The following BNC2 variants were observed in gnomAD, a reference collection of about 807,000 sequenced individuals.
BNC2 encodes zinc finger protein basonuclin-2.
Under a neutral mutation model 76.3 loss-of-function variants are expected in BNC2, and 20 were observed. The ratio of observed to expected loss-of-function variants is 0.26; its 90% CI spans 0.18 to 0.38. The LOEUF (loss-of-function observed/expected upper bound fraction) is 0.38, where lower values mean the gene tolerates loss of function less well. Ranked by LOEUF, BNC2 falls within the 10% of genes least tolerant of loss-of-function variation. The pLI, the probability that BNC2 is intolerant of heterozygous loss-of-function variation, is 1.00. For missense variants in BNC2, 1,382 were observed against 1,399.8 expected, an observed-to-expected ratio of 0.99 and a Z score of 0.20; for synonymous variants, 582 against 514.8, an observed-to-expected ratio of 1.13 and a Z score of -1.77.
At chr9:16,837,681 T>C (rs1409756136) in intron 1 of BNC2, among the ~76,000 whole-genome samples, 1 of 152,202 alleles carries the variant, frequency 6.6e-6, no homozygotes, top group East Asian at 1.9e-4. Context: ...TTCAAACATG[T>C]TATCACACTG....
chr9:16,795,089 A>G (rs921445640), intron 1 of BNC2, among the ~76,000 whole-genome samples: 1 of 152,236 alleles, frequency 6.6e-6, no homozygotes, highest in African/African-American at 2.4e-5. Flanking sequence ...AGCAGATCCA[A>G]GAAAGATGCA....
chr9:16,733,332 T>A (rs933976040), intron 2 of BNC2, among the ~76,000 whole-genome samples: 5 of 152,176 alleles, frequency 3.3e-5, no homozygotes, highest in African/African-American at 1.2e-4. Flanking sequence ...AAACCTGCCA[T>A]CCTTACTTTA....
chr9:16,806,619 A>G (rs1563951810), intron 1 of BNC2, among the ~76,000 whole-genome samples: 1 of 152,200 alleles, frequency 6.6e-6, no homozygotes, highest in Non-Finnish European at 1.5e-5. Context: ...GAGAAATCAG[A>G]GAAAGACCCA....
chr9:16,624,752 A>T (rs1487615312), intron 3 of BNC2, among the ~76,000 whole-genome samples: 2 of 152,230 alleles, frequency 1.3e-5, no homozygotes. Flanking sequence ...AAAAAAAATC[A>T]AAGTTATTTC....
At chr9:16,600,531 C>T (rs1820216475) in intron 3 of BNC2, among the ~76,000 whole-genome samples, 1 of 152,046 alleles carries the variant, frequency 6.6e-6, no homozygotes, top group South Asian at 2.1e-4. Context: ...CATTTTATTC[C>T]TTAATCAGAA....
intron 5 of BNC2, among the ~76,000 whole-genome samples, chr9:16,490,705 T>A (rs572270716): frequency 6.6e-6 from 1 of 152,104 alleles, no homozygotes; most frequent in Non-Finnish European, 1.5e-5. Context: ...TTGTGCTGGG[T>A]TGAAAGTATT....
intron 5 of BNC2, among the ~76,000 whole-genome samples, chr9:16,471,925 A>G (rs914656058): frequency 3.9e-5 from 6 of 152,146 alleles, no homozygotes; most frequent in Admixed American, 2.6e-4. Flanking sequence ...TAAGTCTCAC[A>G]AGATCTGATG....
At chr9:16,506,787 T>C (rs956576198) in intron 5 of BNC2, among the ~76,000 whole-genome samples, 6 of 151,636 alleles carry the variant, frequency 4.0e-5, no homozygotes, top group Non-Finnish European at 7.4e-5. Flanking sequence ...GTTTTGCTCT[T>C]GTCACCCAGG....
At chr9:16,593,210 G>C (rs1285743566) in intron 3 of BNC2, among the ~76,000 whole-genome samples, 1 of 152,042 alleles carries the variant, frequency 6.6e-6, no homozygotes, top group African/African-American at 2.4e-5. Flanking sequence ...TTGGCTTAGG[G>C]GGAATAGGCA....
At position 16,436,304 on chromosome 9, in the gene BNC2, C is replaced by T; in HGVS notation, c.1890G>A (p.Lys630=). The part of the protein sequence containing the change: ...THEPSADLAP[K]KKPRKSSMPV... ...GCATGCTTGACTTCCTGGGCTTTTT[C>T]TTGGGTGCCAGGTCAGCACTGGGCT... is the stretch of plus-strand genomic sequence containing the variant. Residue 630 remains lysine (K), a synonymous_variant, in exon 6 of 7, where the codon AAG becomes AAA. Coordinates refer to ENST00000380672, the MANE Select transcript of BNC2 (RefSeq NM_017637.6). 1 of 1,614,062 alleles carries T rather than the reference C, an allele frequency of 6.2e-7. No individual in the cohort carries two copies. The highest frequency in any genetic ancestry group is 8.5e-7 in the Non-Finnish European group (1 of 1,180,006).
intron 5 of BNC2, among the ~76,000 whole-genome samples, chr9:16,470,010 T>C (rs1821787904): frequency 7.4e-6 from 1 of 134,812 alleles, no homozygotes; most frequent in Non-Finnish European, 1.6e-5. Context: ...TTTTTTTTTT[T>C]TTTTTGAGAT....
At chr9:16,467,625 T>C (rs1238537618) in intron 5 of BNC2, among the ~76,000 whole-genome samples, 1 of 141,154 alleles carries the variant, frequency 7.1e-6, no homozygotes, top group Non-Finnish European at 1.5e-5. Context: ...AGGTGGGAAC[T>C]GAACAATGAG....
intron 3 of BNC2, among the ~76,000 whole-genome samples, chr9:16,666,973 T>C (rs934573267): frequency 1.3e-5 from 2 of 152,040 alleles, no homozygotes; most frequent in African/African-American, 4.8e-5. Flanking sequence ...CAGAGTGATA[T>C]TACACTCTGA....
intron 1 of BNC2, among the ~76,000 whole-genome samples, chr9:16,851,260 C>G (rs983238609): frequency 3.9e-5 from 6 of 152,092 alleles, no homozygotes; most frequent in African/African-American, 1.4e-4. Flanking sequence ...ATAATCCCAG[C>G]ACTTTGGGAG....
intron 3 of BNC2, among the ~76,000 whole-genome samples, chr9:16,671,739 A>C (rs1822483727): frequency 6.6e-6 from 1 of 152,186 alleles, no homozygotes. Flanking sequence ...CCCAGAAGGC[A>C]TCTTGTTTCA....
At chr9:16,420,695 A>G (rs1234163385) in intron 6 of BNC2, among the ~76,000 whole-genome samples, 2 of 141,838 alleles carry the variant, frequency 1.4e-5, no homozygotes, top group East Asian at 4.4e-4. Flanking sequence ...ACACATATAC[A>G]TATTTTTTTA....
chr9:16,489,949 C>T (rs1200470071), intron 5 of BNC2, among the ~76,000 whole-genome samples: 1 of 152,314 alleles, frequency 6.6e-6, no homozygotes, highest in East Asian at 1.9e-4. Flanking sequence ...AAGTTCCTTA[C>T]TTCTTACTTA....
rs890496104 is a variant in BNC2 at position 16,414,215 on chromosome 9, C to G, written c.*4774G>C. The G allele has an allele frequency of 1.3e-5, 2 of 152,188 alleles. No homozygotes were observed. Among genetic ancestry groups the G allele is most frequent in the African/African-American group, 4.8e-5 (2 of 41,436 alleles). 9.4% of individuals were successfully genotyped at this position (152,188 alleles called of 1,614,324 possible). A position where few individuals can be genotyped will look rare whatever the true frequency, so the allele number is the denominator to read the frequency against. ...ACTCTGCAGGTCCCTACGATCAATA[C>G]GCTCTCACCCACTGCGAGGCAGAGC... On this transcript the variant is annotated 3_prime_UTR_variant, in exon 7 of 7. Transcript: ENST00000380672.
chr9:16,836,046 C>G (rs965676685), intron 1 of BNC2, among the ~76,000 whole-genome samples: 1 of 152,112 alleles, frequency 6.6e-6, no homozygotes, highest in South Asian at 2.1e-4. Context: ...GGTTATAACA[C>G]GAGGTAGTGA....
Sources: gnomAD v4.1 joint callset for allele counts (sites outside exome capture counted in the v4.1 genomes callset) on GRCh38, gnomAD v4.1.1 for gene constraint, MANE v1.5 for transcripts, NCBI Gene and HGNC (gene_info 2026-07-23, HGNC 2026-07-21) for gene names.